The following FAT2 variants were observed in gnomAD, a reference collection of about 807,000 sequenced individuals.
The protein encoded by FAT2 is protocadherin Fat 2.
Under a neutral mutation model 295.3 loss-of-function variants are expected in FAT2, and 150 were observed. The ratio of observed to expected loss-of-function variants is 0.51; its 90% CI spans 0.44 to 0.58. FAT2 has a LOEUF of 0.58. Ranked by LOEUF, FAT2 falls within the 20% of genes least tolerant of loss-of-function variation. FAT2 has a pLI of 0.00. For synonymous variants in FAT2, 2,026 were observed against 2,150.3 expected, an observed-to-expected ratio of 0.94 and a Z score of 1.60; for missense variants, 4,868 against 5,442.7, an observed-to-expected ratio of 0.89 and a Z score of 3.32.
chr5:151,539,790 T>A (rs1181012394), intron 11 of FAT2, among the ~76,000 whole-genome samples: 1 of 152,238 alleles, frequency 6.6e-6, no homozygotes. Context: ...GCTCCTCTCC[T>A]GACAAACACA....
In FAT2 at chr5:151,529,420, A is replaced by G. The variant is rs754384554; in HGVS notation, c.9812-28T>C. 96 of 1,606,272 alleles carry G rather than the reference A, an allele frequency of 6.0e-5. 1 individual carries two copies. The highest frequency in any genetic ancestry group is 6.0e-4 in the Middle Eastern group (3 of 5,020). On this transcript the variant is annotated intron_variant, in intron 14 of 23. Transcript: ENST00000261800. ...GAAGAAGCAAGAGGTGACAGCAGCA[A>G]TGAGGCAGTTGGGCCCTCAAAGGCG...
At chr5:151,592,277 T>C (rs530115817), upstream of FAT2, among the ~76,000 whole-genome samples, 154 of 152,316 alleles carry the variant, frequency 1.0e-3, no homozygotes, top group African/African-American at 3.7e-3. Context: ...ATAGAACACA[T>C]TTGTTTGCTC....
chr5:151,558,778 G>A lies in FAT2; in HGVS notation c.3575-2376C>T, dbSNP rs531820904. ...ACAGGCTGGTGCAGATAAATAGAGA[G>A]GGGGCTCCTCTGGGCTCCTCTCAGT... On this transcript the variant is annotated intron_variant, in intron 3 of 23. Transcript: ENST00000261800. Among the ~76,000 whole-genome samples, 51 of 152,264 alleles carry A rather than the reference G, an allele frequency of 3.3e-4. 1 individual carries two copies. The South Asian group carries it at 0.01, about 31-fold the overall frequency.
chr5:151,538,517 T>C (rs145765268), intron 11 of FAT2, among the ~76,000 whole-genome samples: 1 of 152,228 alleles, frequency 6.6e-6, no homozygotes, highest in Non-Finnish European at 1.5e-5. Flanking sequence ...CGTCATGGCA[T>C]CTGAGGGAGT....
chr5:151,518,607 G>A (rs1331297236), intron 19 of FAT2, among the ~76,000 whole-genome samples: 4 of 152,144 alleles, frequency 2.6e-5, no homozygotes, highest in Non-Finnish European at 5.9e-5. Context: ...GCGGCTGAGA[G>A]GTCAAGAGCC....
At chr5:151,574,824 A>T (rs1306243191) in intron 1 of FAT2, among the ~76,000 whole-genome samples, 1 of 120,304 alleles carries the variant, frequency 8.3e-6, no homozygotes, top group Non-Finnish European at 1.9e-5. Flanking sequence ...TCAGATTCTC[A>T]TATAACAAAA....
chr5:151,549,550 G>A (rs2127619953), intron 8 of FAT2, 45 bp from the exon 9 acceptor site: 3 of 1,562,756 alleles, frequency 1.9e-6, no homozygotes, highest in Non-Finnish European at 2.6e-6. Flanking sequence ...AAATGGAATA[G>A]GAGGAGGCAG....
rs757908375 is a variant in FAT2, at chr5:151,563,581, C to T, written c.3318G>A (p.Thr1106=). The stretch of plus-strand genomic sequence containing the variant: ...CAGAACCCCTGTCCACTGCTAATAC[C>T]GTCAACCAGTAGTAAGATGCAAATT... The part of the protein sequence containing the change: ...DREFASYYWL[T]VLAVDRGSVP... Residue 1106 remains threonine, a synonymous_variant, in exon 3 of 24, where the codon ACG becomes ACA. Transcript: ENST00000261800. 32 of 1,613,990 alleles carry T rather than the reference C, an allele frequency of 2.0e-5. No homozygotes were observed. The highest frequency in any genetic ancestry group is 1.7e-5 in the Non-Finnish European group (20 of 1,180,024).
chr5:151,524,081 A>G (rs1044536482), intron 18 of FAT2, among the ~76,000 whole-genome samples: 10 of 152,132 alleles, frequency 6.6e-5, no homozygotes, highest in African/African-American at 2.4e-4. Flanking sequence ...AGCTTGGATG[A>G]CTTCTCACTG....
At chr5:151,534,970 AATAT>A (rs138459865) in intron 12 of FAT2, among the ~76,000 whole-genome samples, 23,145 of 106,512 alleles carry the variant, frequency 0.22, 3,305 homozygotes, top group East Asian at 0.44. Flanking sequence ...CTTCTAGGAA[AATAT>A]ATATATATAT....
Position 151,567,822 on chromosome 5 carries a change from C to G in FAT2, c.1110G>C (p.Gln370His), listed in dbSNP as rs775436388. The change falls in exon 2 of 24, where the codon CAG becomes CAC. Residue 370 changes from glutamine to histidine, a missense_variant. Gln to His is a conservative substitution (Grantham distance 24). Transcript: ENST00000261800. Reference protein sequence around the residue: ...LKFEKAVYRVQLSEFSPPGSR... With the variant: ...LKFEKAVYRVHLSEFSPPGSR... ...TGCCAGGAGGGGAAAACTCACTAAG[C>G]TGCACTCTGTAAACAGCCTTCTCGA... The G allele has an allele frequency of 6.2e-7, 1 of 1,614,026 alleles. No homozygotes were observed. The highest frequency in any genetic ancestry group is 8.5e-7 in the Non-Finnish European group (1 of 1,180,024).
At chr5:151,579,291 G>C (rs999813904) in intron 1 of FAT2, among the ~76,000 whole-genome samples, 1 of 152,172 alleles carries the variant, frequency 6.6e-6, no homozygotes, top group South Asian at 2.1e-4. Flanking sequence ...GCATGTAGGG[G>C]CCAGGCATGG....
At position 151,528,152 on chromosome 5, in the gene FAT2, A is replaced by G. The variant is rs774416675; in HGVS notation, c.10027-19T>C. The G allele has an allele frequency of 2.4e-5, 38 of 1,611,062 alleles. No individual in the cohort carries two copies. Among genetic ancestry groups the G allele is most frequent in the Middle Eastern group, 3.3e-4 (2 of 6,074 alleles). On this transcript the variant is annotated intron_variant, in intron 15 of 23. Coordinates refer to ENST00000261800, the MANE Select transcript of FAT2 (RefSeq NM_001447.3). Reference sequence around the variant, plus strand: ...CTGATACCTGCGGTGGGGTAGGGGGATTGTGAATGGAGGGACAGGAATCTT... The same window carrying G: ...CTGATACCTGCGGTGGGGTAGGGGGGTTGTGAATGGAGGGACAGGAATCTT...
In FAT2 at chr5:151,546,097, G is replaced by C. The variant is rs1246063009; in HGVS notation, c.5030C>G (p.Ser1677Cys). 6.2e-7 allele frequency: 1 copy of C among 1,614,134 alleles called. No homozygotes were observed. Among genetic ancestry groups the C allele is most frequent in the Non-Finnish European group, 8.5e-7 (1 of 1,180,024 alleles). Residue 1677 changes from serine to cysteine, a missense_variant, in exon 10 of 24, where the codon TCC (serine) becomes TGC (cysteine). Physicochemically the swap from Ser to Cys is moderately radical, Grantham distance 112. This residue lies in a region of FAT2 where 3,297 missense variants were observed against 3,669.4 expected (regional missense o/e 0.90). Transcript: ENST00000261800. The part of the protein sequence containing the change: ...VEIPESIPVG[S>C]PILLVSAMSP... ...CATAGCAGAGACAAGGAGGATTGGG[G>C]AACCAACAGGGATTGATTCAGGGAT...
intron 19 of FAT2, among the ~76,000 whole-genome samples, 171 bp from the exon 20 acceptor site, chr5:151,517,936 G>A (rs755233627): frequency 2.4e-4 from 37 of 152,170 alleles, no homozygotes; most frequent in Non-Finnish European, 4.3e-4. Flanking sequence ...AGCCTCACAC[G>A]TAGAGCCAGA....
In FAT2 at chr5:151,568,235, C is replaced by T. The variant is rs1269092269; in HGVS notation, c.697G>A (p.Gly233Ser). Residue 233 changes from glycine (G) to serine (S), a missense_variant, in exon 2 of 24, where the codon GGC becomes AGC. Coordinates refer to ENST00000261800, the MANE Select transcript of FAT2 (RefSeq NM_001447.3). ...AVDRMRKISE[G>S]NGFGSLAALV... ...GCAGCCAGGCTGCCAAACCCATTGC[C>T]CTCAGAGATTTTCCGCATGCGGTCC... 2 of 1,614,080 alleles carry T rather than the reference C, an allele frequency of 1.2e-6. No homozygotes were observed. Among genetic ancestry groups the T allele is most frequent in the Non-Finnish European group, 1.7e-6 (2 of 1,179,974 alleles).
Position 151,567,907 on chromosome 5 carries a change from TAAGGG to T in FAT2, c.1020_1024del (p.Pro341PhefsTer30), listed in dbSNP as rs756110831. ...AAAGCCCCTGATCTGGGAATAAAAATAAGGGCCGCTCCCACTCCTGGCCTGGAGGC... is the reference window on the plus strand; with the variant it reads ...AAAGCCCCTGATCTGGGAATAAAAATCCGCTCCCACTCCTGGCCTGGAGGC... On this transcript the variant is annotated frameshift_variant, in exon 2 of 24. Transcript: ENST00000261800. LOFTEE classifies it high-confidence loss of function. 1 of 1,613,940 alleles carries T rather than the reference TAAGGG, an allele frequency of 6.2e-7. No individual in the cohort carries two copies. The highest frequency in any genetic ancestry group is 8.5e-7 in the Non-Finnish European group (1 of 1,179,952).
chr5:151,563,873 C>T (rs368503049), intron 2 of FAT2, among the ~76,000 whole-genome samples: 6 of 152,304 alleles, frequency 3.9e-5, no homozygotes, highest in East Asian at 1.9e-4. Context: ...CTAAAATGGA[C>T]GCATGCCTTT....
At chr5:151,551,678 G>T in intron 6 of FAT2, 72 bp from the exon 7 acceptor site, 1 of 1,544,512 alleles carries the variant, frequency 6.5e-7, no homozygotes. Flanking sequence ...ATAGGCTTTG[G>T]TTGTCAGGCT....
Sources: allele counts gnomAD v4.1 joint callset (sites outside exome capture counted in the v4.1 genomes callset), GRCh38; gene constraint gnomAD v4.1.1; regional missense constraint gnomAD v4.1.1; transcripts MANE v1.5; gene names NCBI Gene and HGNC (gene_info 2026-07-23, HGNC 2026-07-21).